AP3S1: variants seen among roughly 807,000 people sequenced by gnomAD.
AP3S1 encodes the protein AP-3 complex subunit sigma-1.
A neutral mutation model predicts 21.3 loss-of-function variants in AP3S1; 12 were observed. The ratio of observed to expected loss-of-function variants is 0.56; its 90% CI spans 0.36 to 0.91. The LOEUF is 0.91. Among genes scored for constraint, AP3S1 ranks in the 40% least tolerant of loss-of-function variants. AP3S1 has a pLI of 0.01. For missense variants in AP3S1, 116 were observed against 225.0 expected, an observed-to-expected ratio of 0.52 and a Z score of 3.10; for synonymous variants, 48 against 78.4, an observed-to-expected ratio of 0.61 and a Z score of 2.05.
chr5:115,853,241 C>T (rs994050740), intron 1 of AP3S1, among the ~76,000 whole-genome samples: 4 of 152,120 alleles, frequency 2.6e-5, no homozygotes. Context: ...TTGAACATCT[C>T]TTCATGTGAT....
At chr5:115,877,399 T>C (rs1332222374) in intron 3 of AP3S1, among the ~76,000 whole-genome samples, 1 of 152,138 alleles carries the variant, frequency 6.6e-6, no homozygotes, top group Non-Finnish European at 1.5e-5. Flanking sequence ...CCCCTCCCTG[T>C]GTCCATGTGT....
chr5:115,855,159 C>G (rs1288497505), intron 1 of AP3S1, among the ~76,000 whole-genome samples: 1 of 152,002 alleles, frequency 6.6e-6, no homozygotes, highest in East Asian at 1.9e-4. Context: ...GCCTCAGCCT[C>G]CTGAGTAGCT....
intron 5 of AP3S1, among the ~76,000 whole-genome samples, chr5:115,909,624 A>G (rs1447584109): frequency 6.6e-6 from 1 of 152,230 alleles, no homozygotes; most frequent in Non-Finnish European, 1.5e-5. Context: ...GTGCTCAGGT[A>G]TAACATAGAT....
chr5:115,896,741 C>T (rs1384415506), intron 4 of AP3S1, among the ~76,000 whole-genome samples: 1 of 152,122 alleles, frequency 6.6e-6, no homozygotes, highest in African/African-American at 2.4e-5. Context: ...GATTGTGCCA[C>T]TGAACTTCAG....
In AP3S1 at chr5:115,895,071, T is replaced by G. The variant is rs759417771; in HGVS notation, c.274-16T>G. 1 of 1,570,918 alleles carries G rather than the reference T, an allele frequency of 6.4e-7. No individual in the cohort carries two copies. The highest frequency in any genetic ancestry group is 8.7e-7 in the Non-Finnish European group (1 of 1,152,170). On this transcript the variant is annotated splice_polypyrimidine_tract_variant and intron_variant, in intron 3 of 5. Transcript: ENST00000316788. ...AAATTTAAACAGTTCTTAAAACCTT[T>G]TTTCTTTTTCCATAGGTATTTGTGG...
chr5:115,885,824 G>C (rs1749733461), intron 3 of AP3S1, among the ~76,000 whole-genome samples: 1 of 152,164 alleles, frequency 6.6e-6, no homozygotes, highest in Non-Finnish European at 1.5e-5. Context: ...ATACTTTAAA[G>C]AATGGTGTGA....
intron 1 of AP3S1, among the ~76,000 whole-genome samples, chr5:115,849,271 A>G (rs563627652): frequency 1.8e-4 from 27 of 152,342 alleles, no homozygotes; most frequent in African/African-American, 6.5e-4. Flanking sequence ...ATAAAGCTTG[A>G]TGGAGGAAAG....
At chr5:115,900,653 T>A (rs558526877) in intron 4 of AP3S1, among the ~76,000 whole-genome samples, 2 of 152,294 alleles carry the variant, frequency 1.3e-5, no homozygotes, top group African/African-American at 4.8e-5. Context: ...TATTTTCTGC[T>A]CCAGCCCTCA....
intron 5 of AP3S1, chr5:115,909,089 G>GAA: frequency 5.2e-5 from 23 of 446,220 alleles, no homozygotes; most frequent in Non-Finnish European, 6.5e-5. Flanking sequence ...ATTCAAACTT[G>GAA]AAAAAAAAAA....
intron 3 of AP3S1, among the ~76,000 whole-genome samples, chr5:115,885,427 G>A (rs1193353041): frequency 6.6e-6 from 1 of 152,228 alleles, no homozygotes; most frequent in Non-Finnish European, 1.5e-5. Context: ...AAATCCAAGA[G>A]TCCAAAGGCT....
At chr5:115,865,833 T>G (rs1158328981) in intron 1 of AP3S1, among the ~76,000 whole-genome samples, 1 of 152,212 alleles carries the variant, frequency 6.6e-6, no homozygotes, top group Admixed American at 6.5e-5. Context: ...AGAATCTCAC[T>G]CTGTCGCCAG....
intron 3 of AP3S1, among the ~76,000 whole-genome samples, chr5:115,882,410 T>G (rs1201996405): frequency 6.6e-6 from 1 of 152,222 alleles, no homozygotes; most frequent in East Asian, 1.9e-4. Context: ...ATTGTCCTTG[T>G]TGATGCTATT....
intron 1 of AP3S1, among the ~76,000 whole-genome samples, chr5:115,855,951 G>A (rs970903102): frequency 9.9e-5 from 15 of 152,162 alleles, no homozygotes; most frequent in African/African-American, 3.1e-4. Context: ...GGAGGGAAAC[G>A]TAGGAAAAGA....
intron 5 of AP3S1, among the ~76,000 whole-genome samples, chr5:115,907,648 A>C (rs997605918): frequency 2.0e-5 from 3 of 152,162 alleles, no homozygotes; most frequent in African/African-American, 7.2e-5. Context: ...AGAATCAATA[A>C]AAATATATTA....
intron 3 of AP3S1, among the ~76,000 whole-genome samples, chr5:115,884,185 T>A (rs1749560734): frequency 6.6e-6 from 1 of 152,182 alleles, no homozygotes; most frequent in Non-Finnish European, 1.5e-5. Flanking sequence ...ATTTAATATG[T>A]TTTATTTTTA....
At chr5:115,872,067 A>C (rs1324393372) in intron 3 of AP3S1, among the ~76,000 whole-genome samples, 3 of 152,138 alleles carry the variant, frequency 2.0e-5, no homozygotes, top group Non-Finnish European at 1.5e-5. Context: ...TAATCCTAGC[A>C]CTTTGGAAGG....
chr5:115,883,935 C>T (rs992210392), intron 3 of AP3S1, among the ~76,000 whole-genome samples: 4 of 152,052 alleles, frequency 2.6e-5, no homozygotes, highest in Non-Finnish European at 4.4e-5. Context: ...TTCATAAACC[C>T]GGTTCTTTCT....
In AP3S1 at chr5:115,866,805, G is replaced by A. The variant is rs372023745; in HGVS notation, c.161+44G>A. ...AGACATTTCTAAGTTTTGACTATGT[G>A]ATTAAAATATATACTGTTTAATCAG... On this transcript the variant is annotated intron_variant, in intron 2 of 5. Transcript: ENST00000316788. 294 of 1,353,916 alleles carry A rather than the reference G, an allele frequency of 2.2e-4. 1 individual carries two copies. Among genetic ancestry groups the A allele is most frequent in the Non-Finnish European group, 3.1e-5 (30 of 968,652 alleles). The allele number at this position is 1,353,916 out of a possible 1,614,324, so 83.9% of individuals were successfully genotyped here.
chr5:115,909,780 C>T (rs1411477160), intron 5 of AP3S1, among the ~76,000 whole-genome samples: 5 of 152,156 alleles, frequency 3.3e-5, no homozygotes, highest in African/African-American at 1.2e-4. Flanking sequence ...GTAATCCCCC[C>T]TTACCTGTGT....
Sources: gnomAD v4.1 joint callset for allele counts (sites outside exome capture counted in the v4.1 genomes callset) on GRCh38, gnomAD v4.1.1 for gene constraint, MANE v1.5 for transcripts, NCBI Gene and HGNC (gene_info 2026-07-23, HGNC 2026-07-21) for gene names.